Variants in STK10 observed in about 807,000 individuals in gnomAD.
STK10 encodes the protein serine/threonine kinase 10, also known as serine/threonine-protein kinase 10.
STK10 carries 78 observed loss-of-function variants against 113.8 expected under a neutral mutation model. The observed-to-expected ratio is 0.69, with a 90% CI of 0.57 to 0.83. STK10 has a LOEUF of 0.83. Ranked by LOEUF, STK10 falls within the 40% of genes least tolerant of loss-of-function variation. The pLI, the probability that STK10 is intolerant of heterozygous loss-of-function variation, is 0.00. For missense variants in STK10, 1,109 were observed against 1,280.1 expected, an observed-to-expected ratio of 0.87 and a Z score of 2.04; for synonymous variants, 465 against 494.7, an observed-to-expected ratio of 0.94 and a Z score of 0.80.
At position 172,082,186 on chromosome 5, in the gene STK10, A is replaced by G. The variant is rs1442228985; in HGVS notation, c.1989+140T>C. On this transcript the variant is annotated intron_variant, in intron 12 of 18. Coordinates refer to ENST00000176763, the MANE Select transcript of STK10 (RefSeq NM_005990.4). This position sits in a 1 kb window ranked among gnomAD's most constrained non-coding sequence, Gnocchi z 4.3. ...GCTCCTCATGGCGCAGCTTGGGCACACAGATCCAGGCTCACCTGCTCCCGA... is the reference window on the plus strand; with the variant it reads ...GCTCCTCATGGCGCAGCTTGGGCACGCAGATCCAGGCTCACCTGCTCCCGA... The G allele has an allele frequency of 1.1e-5, 10 of 905,148 alleles. No individual in the cohort carries two copies. Among genetic ancestry groups the G allele is most frequent in the African/African-American group, 1.7e-5 (1 of 58,084 alleles). 56.1% of individuals were successfully genotyped at this position (905,148 alleles called of 1,614,324 possible). A position where few individuals can be genotyped will look rare whatever the true frequency, so the allele number is the denominator to read the frequency against.
chr5:172,102,845 C>G (rs1769019946), intron 7 of STK10, among the ~76,000 whole-genome samples: 1 of 148,858 alleles, frequency 6.7e-6, no homozygotes, highest in Non-Finnish European at 1.5e-5. Flanking sequence ...TTCACTCACA[C>G]AATCCTGTGC....
rs1029210752 is a variant in STK10 at position 172,156,907 on chromosome 5, C to G, written c.157-119G>C. 3 of 1,146,136 alleles carry G rather than the reference C, an allele frequency of 2.6e-6. No individual in the cohort carries two copies. The African/African-American group carries it at 4.6e-5, about 18-fold the overall frequency. The allele number at this position is 1,146,136 out of a possible 1,614,324, so 71.0% of individuals were successfully genotyped here. ...AGAGGCCGGATGTCCAGATGCTGAA[C>G]CGGAACGTACATTGTTCTTAACAAT... On this transcript the variant is annotated intron_variant, in intron 1 of 18. Transcript: ENST00000176763.
intron 2 of STK10, among the ~76,000 whole-genome samples, chr5:172,145,754 G>A (rs1457128588): frequency 6.6e-6 from 1 of 152,214 alleles, no homozygotes; most frequent in Non-Finnish European, 1.5e-5. Flanking sequence ...AAGTGGGGGT[G>A]ATGGTAGAGG....
At chr5:172,112,921 T>C (rs771815231) in intron 4 of STK10, among the ~76,000 whole-genome samples, 1 of 151,952 alleles carries the variant, frequency 6.6e-6, no homozygotes, top group Non-Finnish European at 1.5e-5. Context: ...TAATTTTGTA[T>C]TTTTAGTAGA....
At chr5:172,176,940 G>A (rs754075850) in intron 1 of STK10, among the ~76,000 whole-genome samples, 1 of 152,204 alleles carries the variant, frequency 6.6e-6, no homozygotes, top group Non-Finnish European at 1.5e-5. Flanking sequence ...CTGGGAGGCC[G>A]AGGCGAGTGG....
At chr5:172,119,012 C>A (rs768239347) in intron 3 of STK10, among the ~76,000 whole-genome samples, 2 of 151,636 alleles carry the variant, frequency 1.3e-5, no homozygotes, top group Non-Finnish European at 2.9e-5. Flanking sequence ...GGTGGTGGCA[C>A]CAGGGTATGC....
At chr5:172,089,946 T>C (rs1274731632) in intron 10 of STK10, among the ~76,000 whole-genome samples, 1 of 150,184 alleles carries the variant, frequency 6.7e-6, no homozygotes, top group Non-Finnish European at 1.5e-5. Flanking sequence ...GGTGGAGGGG[T>C]GAGTGGGTGG....
Position 172,042,977 on chromosome 5 carries a change from G to C in STK10, c.*1905C>G, listed in dbSNP as rs1767409176. ...GTATACAGAACCTTAACCTAGCTGG[G>C]TGCAGTAGCATGTATCTGTCGTCCC... On this transcript the variant is annotated 3_prime_UTR_variant, in exon 19 of 19. Transcript: ENST00000176763. 6.6e-6 allele frequency: 1 copy of C among 152,204 alleles called. No homozygotes were observed. The highest frequency in any genetic ancestry group is 1.9e-4 in the East Asian group (1 of 5,202). The allele number at this position is 152,204 out of a possible 1,614,324, so 9.4% of individuals were successfully genotyped here. A position where few individuals can be genotyped will look rare whatever the true frequency, so the allele number is the denominator to read the frequency against.
In STK10 at chr5:172,055,717, C is replaced by G. The variant is rs1186636711; in HGVS notation, c.2397G>C (p.Gln799His). ...QRMIEQLKVR[Q>H]QQEKARLPKI... ...TGGGCAGCCGCGCCTTTTCCTGTTG[C>G]TGCCGCACCTTCAGCTGCTCTATCA... The change falls in exon 16 of 19, where the codon CAG (glutamine) becomes CAC (histidine). Residue 799 changes from glutamine to histidine, a missense_variant. By Grantham distance (24) the Gln-to-His change is conservative (BLOSUM62 0). Around this residue, in one of 5 missense-constraint regions of STK10, gnomAD observed 885 missense variants for 991.1 expected, o/e 0.89. Transcript: ENST00000176763. The G allele has an allele frequency of 6.3e-7, 1 of 1,580,774 alleles. No individual in the cohort carries two copies. Among genetic ancestry groups the G allele is most frequent in the East Asian group, 2.3e-5 (1 of 42,918 alleles).
intron 1 of STK10, among the ~76,000 whole-genome samples, chr5:172,175,114 C>T (rs1193194072): frequency 1.3e-5 from 2 of 152,168 alleles, no homozygotes; most frequent in African/African-American, 4.8e-5. Flanking sequence ...TTCCTGGCCT[C>T]AAGTGATCCT....
At chr5:172,109,587 G>A (rs764107908) in intron 4 of STK10, among the ~76,000 whole-genome samples, 31 of 152,086 alleles carry the variant, frequency 2.0e-4, no homozygotes, top group Non-Finnish European at 3.1e-4. Flanking sequence ...GATTACAGGC[G>A]TGAGGCACCA....
At chr5:172,088,251 C>T (rs546357093) in intron 10 of STK10, among the ~76,000 whole-genome samples, 45 of 152,028 alleles carry the variant, frequency 3.0e-4, no homozygotes, top group Non-Finnish European at 5.3e-4. Flanking sequence ...TTAGGCCGGG[C>T]GCGGTGGCTC....
rs567194724 is a variant in STK10, at chr5:172,182,308, G to GAA, written c.156+5577_156+5578dup. 2.9e-3 allele frequency among the ~76,000 whole-genome samples: 265 copies of GAA among 92,068 alleles called. 5 individuals carry two copies. The highest frequency in any genetic ancestry group is 7.5e-3 in the South Asian group (18 of 2,404). The allele number at this position is 92,068 out of a possible 152,430, so 60.4% of individuals were successfully genotyped here. On this transcript the variant is annotated intron_variant, in intron 1 of 18. Transcript: ENST00000176763. The stretch of plus-strand genomic sequence containing the variant: ...ACAGAGCTAGACTCTGTCTCAGAGG[G>GAA]AAAAAAAAAAAAAAAAAAAGGCTTA...
chr5:172,076,243 G>A (rs1359747853), intron 12 of STK10, among the ~76,000 whole-genome samples: 2 of 70,676 alleles, frequency 2.8e-5, no homozygotes, highest in Admixed American at 1.3e-4. Flanking sequence ...TTGTGGGGGC[G>A]TCCTGTGCGT....
At chr5:172,137,263 T>A (rs1769882226) in intron 2 of STK10, among the ~76,000 whole-genome samples, 1 of 152,090 alleles carries the variant, frequency 6.6e-6, no homozygotes, top group Admixed American at 6.6e-5. Flanking sequence ...CAAGATAAAG[T>A]CACTCTGGTT....
At chr5:172,183,735 T>C (rs746738802) in intron 1 of STK10, among the ~76,000 whole-genome samples, 13 of 152,176 alleles carry the variant, frequency 8.5e-5, no homozygotes, top group Non-Finnish European at 1.8e-4. Context: ...GGGATTACAG[T>C]CTACTTTGTA....
chr5:172,182,156 A>G (rs1187200337), intron 1 of STK10, among the ~76,000 whole-genome samples: 5 of 151,826 alleles, frequency 3.3e-5, no homozygotes, highest in Non-Finnish European at 5.9e-5. Context: ...TACAAAAATT[A>G]GCCGGGTGTG....
At chr5:172,182,193 C>T (rs1305983440) in intron 1 of STK10, among the ~76,000 whole-genome samples, 1 of 150,328 alleles carries the variant, frequency 6.7e-6, no homozygotes, top group Non-Finnish European at 1.5e-5. Flanking sequence ...ATCCCAGCTA[C>T]TTGGGAGGCT....
chr5:172,108,613 CAAAAA>C (rs1184891478), intron 4 of STK10, among the ~76,000 whole-genome samples: 5 of 64,896 alleles, frequency 7.7e-5, no homozygotes, highest in African/African-American at 1.0e-4. Flanking sequence ...GAGACTGTCT[CAAAAA>C]AAAAAAAAAA....
Sources: gnomAD v4.1 joint callset for allele counts (sites outside exome capture counted in the v4.1 genomes callset) on GRCh38, gnomAD v4.1.1 for gene constraint, gnomAD v4.1.1 regional missense constraint, Gnocchi (gnomAD v3.1) non-coding constraint, MANE v1.5 for transcripts, NCBI Gene and HGNC (gene_info 2026-07-23, HGNC 2026-07-21) for gene names.